The following UGT1A8 variants were observed in gnomAD, a reference collection of about 807,000 sequenced individuals.
UGT1A8 encodes the protein UDP-glucuronosyltransferase 1A8.
UGT1A8 carries 39 observed loss-of-function variants against 45.3 expected under a neutral mutation model. The ratio of observed to expected loss-of-function variants is 0.86; its 90% CI spans 0.67 to 1.12. The LOEUF is 1.12. Ranked by LOEUF, UGT1A8 falls within the 50% of genes most tolerant of loss-of-function variation. The pLI is 0.00. For missense variants in UGT1A8, 719 were observed against 664.9 expected (o/e 1.08, Z -0.90); for synonymous variants, 275 against 249.2 (o/e 1.10, Z -0.97).
chr2:233,731,662 A>G (rs2078189786), intron 1 of UGT1A8, among the ~76,000 whole-genome samples: 1 of 151,984 alleles, frequency 6.6e-6, no homozygotes, highest in African/African-American at 2.4e-5. Flanking sequence ...TATGTGCCAC[A>G]TTTTCTTAAT....
chr2:233,753,810 A>G (rs1695316193), intron 1 of UGT1A8, among the ~76,000 whole-genome samples: 1 of 152,190 alleles, frequency 6.6e-6, no homozygotes, highest in Non-Finnish European at 1.5e-5. Flanking sequence ...ATAGTTGGAG[A>G]ACCACGTTAG....
chr2:233,637,432 A>G, intron 1 of UGT1A8: 4 of 1,546,266 alleles, frequency 2.6e-6, no homozygotes, highest in Non-Finnish European at 3.5e-6. Context: ...GAAATTAAAA[A>G]AGGATTCCTT....
chr2:233,693,130 G>T, intron 1 of UGT1A8: 1 of 1,614,242 alleles, frequency 6.2e-7, no homozygotes, highest in South Asian at 1.1e-5. Context: ...GGCTTAGTAT[G>T]AAGGATATAG....
intron 1 of UGT1A8, among the ~76,000 whole-genome samples, chr2:233,728,362 AC>A (rs1475063601): frequency 1.3e-5 from 2 of 152,120 alleles, no homozygotes; most frequent in East Asian, 3.9e-4. Flanking sequence ...AGCTCCCTGA[AC>A]CCACCATGGG....
In UGT1A8 at chr2:233,769,723, C is replaced by G. The variant is rs1318643454; in HGVS notation, c.1295+1284C>G. On this transcript the variant is annotated intron_variant, in intron 4 of 4. Coordinates refer to ENST00000373450, the MANE Select transcript of UGT1A8 (RefSeq NM_019076.5). This position sits in a 1 kb window ranked among gnomAD's most constrained non-coding sequence, Gnocchi z 4.4. ...GATCAATGTTGGCTAGGCACCATGG[C>G]ACACGCCTGTAGTCCCAGCCACTCT... The G allele has an allele frequency of 3.1e-5, 46 of 1,484,642 alleles. No individual in the cohort carries two copies. The Middle Eastern group carries it at 1.2e-3, about 39-fold the overall frequency. 92.0% of individuals were successfully genotyped at this position (1,484,642 alleles called of 1,614,324 possible).
intron 1 of UGT1A8, chr2:233,682,185 T>C: frequency 1.2e-6 from 2 of 1,614,208 alleles, no homozygotes; most frequent in Non-Finnish European, 1.7e-6. Flanking sequence ...TCATACACTC[T>C]GGAGGATCAG....
At chr2:233,713,223 A>T (rs72551334) in intron 1 of UGT1A8, 2 of 1,614,132 alleles carry the variant, frequency 1.2e-6, no homozygotes, top group African/African-American at 2.7e-5. Flanking sequence ...TTTCACCCTG[A>T]CAACGTATGC....
chr2:233,639,283 G>A lies in UGT1A8; in HGVS notation c.855+20721G>A, dbSNP rs543884687. On this transcript the variant is annotated intron_variant, in intron 1 of 4. Coordinates refer to ENST00000373450, the MANE Select transcript of UGT1A8 (RefSeq NM_019076.5). ...ATGAAAGTTTTTATAGTTTGCAGAGGGTTATGTATATTAATGTATATTTTT... is the reference window on the plus strand; with the variant it reads ...ATGAAAGTTTTTATAGTTTGCAGAGAGTTATGTATATTAATGTATATTTTT... Among the ~76,000 whole-genome samples, 11 of 152,150 alleles carry A rather than the reference G, an allele frequency of 7.2e-5. No homozygotes were observed. The South Asian group carries it at 2.3e-3, about 32-fold the overall frequency.
intron 1 of UGT1A8, among the ~76,000 whole-genome samples, chr2:233,723,158 A>G (rs1188263696): frequency 7.4e-6 from 1 of 135,668 alleles, no homozygotes; most frequent in Non-Finnish European, 1.5e-5. Flanking sequence ...CATTTGCTTT[A>G]GTTTCAGTGC....
chr2:233,673,605 T>C (rs1369916694), intron 1 of UGT1A8, among the ~76,000 whole-genome samples: 2 of 152,216 alleles, frequency 1.3e-5, no homozygotes, highest in Non-Finnish European at 2.9e-5. Context: ...TCACTATTTA[T>C]TCAGATCTTG....
At chr2:233,682,220 GA>G (rs1559339444) in intron 1 of UGT1A8, 2 of 1,614,202 alleles carry the variant, frequency 1.2e-6, no homozygotes, top group South Asian at 2.2e-5. Flanking sequence ...GGTTTTTGCC[GA>G]TGCTCGCTGG....
intron 1 of UGT1A8, among the ~76,000 whole-genome samples, chr2:233,750,390 A>T (rs1292559370): frequency 3.9e-5 from 6 of 151,942 alleles, no homozygotes; most frequent in Admixed American, 2.0e-4. Context: ...AAGTTTGGAA[A>T]ATTTGCAGCC....
chr2:233,661,623 T>TTTTCTTTCTTTA (rs2073965640), intron 1 of UGT1A8, among the ~76,000 whole-genome samples: 3 of 123,952 alleles, frequency 2.4e-5, no homozygotes, highest in African/African-American at 9.6e-5. Context: ...ACTTACTGAA[T>TTTTCTTTCTTTA]TTTCTTTCTT....
In UGT1A8 at chr2:233,636,835, A is replaced by G. The variant is rs45484192; in HGVS notation, c.855+18273A>G. 9 of 1,614,076 alleles carry G rather than the reference A, an allele frequency of 5.6e-6. No homozygotes were observed. In the Admixed American group the frequency reaches 1.2e-4, roughly 21 times the overall value. The stretch of plus-strand genomic sequence containing the variant: ...TCAATGGAAAGCACAGGCACAAAGT[A>G]TATTTTCTCTATTAATGAGTTCATC... On this transcript the variant is annotated intron_variant, in intron 1 of 4. Coordinates refer to ENST00000373450, the MANE Select transcript of UGT1A8 (RefSeq NM_019076.5).
intron 1 of UGT1A8, among the ~76,000 whole-genome samples, chr2:233,687,074 C>T (rs1260348746): frequency 6.6e-6 from 1 of 152,190 alleles, no homozygotes; most frequent in Non-Finnish European, 1.5e-5. Flanking sequence ...AGCCTGATTT[C>T]ATAAGTACTT....
At chr2:233,674,073 C>G (rs536314636) in intron 1 of UGT1A8, among the ~76,000 whole-genome samples, 2 of 152,104 alleles carry the variant, frequency 1.3e-5, no homozygotes, top group African/African-American at 2.4e-5. Context: ...CACCTAATGT[C>G]TAATCTCAGT....
chr2:233,691,343 G>A lies in UGT1A8; in HGVS notation c.855+72781G>A, dbSNP rs533406499. 17 of 985,508 alleles carry A rather than the reference G, an allele frequency of 1.7e-5. No individual in the cohort carries two copies. In the East Asian group the frequency reaches 7.9e-4, roughly 46 times the overall value. The allele number at this position is 985,508 out of a possible 1,614,324, so 61.0% of individuals were successfully genotyped here. The stretch of plus-strand genomic sequence containing the variant: ...CCAGCTTGGACTGAGCTGAGTCTTC[G>A]CATGCCTTGAACAATGAATTTGCAT... On this transcript the variant is annotated intron_variant, in intron 1 of 4. Coordinates refer to ENST00000373450, the MANE Select transcript of UGT1A8 (RefSeq NM_019076.5).
intron 1 of UGT1A8, among the ~76,000 whole-genome samples, chr2:233,653,860 G>A (rs1174148687): frequency 6.6e-6 from 1 of 152,230 alleles, no homozygotes; most frequent in Non-Finnish European, 1.5e-5. Flanking sequence ...GCCTCCCAAA[G>A]TCCTGGGATT....
In UGT1A8 at chr2:233,755,401, T is replaced by C. The variant is rs995268070; in HGVS notation, c.856-11633T>C. 43 of 336,532 alleles carry C rather than the reference T, an allele frequency of 1.3e-4. 1 individual carries two copies. The Admixed American group carries it at 1.6e-3, about 13-fold the overall frequency. The allele number at this position is 336,532 out of a possible 1,614,324, so 20.8% of individuals were successfully genotyped here. A position where few individuals can be genotyped will look rare whatever the true frequency, so the allele number is the denominator to read the frequency against. On this transcript the variant is annotated intron_variant, in intron 1 of 4. Transcript: ENST00000373450. ...CCCCTTATGACGCAGCCACATCTCA[T>C]TGGCCGAGGCCTGTGAGCGCCTCGC...
Sources: gnomAD v4.1 joint callset for allele counts (sites outside exome capture counted in the v4.1 genomes callset) on GRCh38, gnomAD v4.1.1 for gene constraint, Gnocchi (gnomAD v3.1) non-coding constraint, MANE v1.5 for transcripts, NCBI Gene and HGNC (gene_info 2026-07-23, HGNC 2026-07-21) for gene names.